PAM: variants seen among roughly 807,000 people sequenced by gnomAD.
PAM encodes the protein peptidylglycine alpha-amidating monooxygenase.
A neutral mutation model predicts 122.1 loss-of-function variants in PAM; 72 were observed. The observed-to-expected ratio is 0.59, with a 90% CI of 0.49 to 0.72. The LOEUF (loss-of-function observed/expected upper bound fraction) is 0.72, where lower values mean the gene tolerates loss of function less well. Among genes scored for constraint, PAM ranks in the 30% least tolerant of loss-of-function variants. The probability of loss-of-function intolerance (pLI) is 0.00; values close to 1 mark genes in which losing one functional copy is unlikely to be tolerated. For missense variants in PAM, 1,106 were observed against 1,183.7 expected (o/e 0.93, Z 0.96); for synonymous variants, 389 against 404.4 (o/e 0.96, Z 0.46).
intron 7 of PAM, among the ~76,000 whole-genome samples, chr5:102,941,350 C>T (rs1323152428): frequency 6.6e-6 from 1 of 152,202 alleles, no homozygotes; most frequent in Non-Finnish European, 1.5e-5. Context: ...GCAGTGAATA[C>T]AAAATCAAAA....
intron 1 of PAM, among the ~76,000 whole-genome samples, chr5:102,850,731 C>T (rs1781151616): frequency 1.3e-5 from 2 of 152,150 alleles, no homozygotes; most frequent in African/African-American, 4.8e-5. Context: ...GAGGGGGCGG[C>T]TGGCGGGGTG....
At chr5:102,991,621 A>G (rs1023543508) in intron 16 of PAM, among the ~76,000 whole-genome samples, 5 of 152,246 alleles carry the variant, frequency 3.3e-5, no homozygotes, top group South Asian at 2.1e-4. Flanking sequence ...ATGAAATTCA[A>G]TCAACATTTC....
At position 102,984,285 on chromosome 5, in the gene PAM, A is replaced by G. The variant is rs552671557; in HGVS notation, c.1484-5987A>G. Among the ~76,000 whole-genome samples the G allele has an allele frequency of 4.6e-5, 7 of 152,376 alleles. No individual in the cohort carries two copies. In the South Asian group the frequency reaches 1.0e-3, roughly 23 times the overall value. On this transcript the variant is annotated intron_variant, in intron 15 of 25. Coordinates refer to ENST00000438793, the MANE Select transcript of PAM (RefSeq NM_001177306.2). ...TAAATGGATTAAGTTTCTCACTTAT[A>G]TAGACTGCCTTAATGGAGAGAAAAA...
At chr5:102,986,759 G>C (rs1771958244) in intron 15 of PAM, among the ~76,000 whole-genome samples, 1 of 151,972 alleles carries the variant, frequency 6.6e-6, no homozygotes, top group Non-Finnish European at 1.5e-5. Flanking sequence ...TGAATCATGG[G>C]GTCAGTTTCC....
chr5:102,845,478 TA>T (rs1282322186), intron 1 of PAM, among the ~76,000 whole-genome samples: 20 of 152,328 alleles, frequency 1.3e-4, no homozygotes, highest in Admixed American at 9.8e-4. Flanking sequence ...GTTCACTTCC[TA>T]CATTCATGTG....
chr5:102,826,207 G>A (rs468836), intron 1 of PAM, among the ~76,000 whole-genome samples: 103,241 of 151,896 alleles, frequency 0.68, 35,353 homozygotes, highest in South Asian at 0.81. Context: ...ACTTACTTCC[G>A]TATTTATTTT....
chr5:102,908,307 G>C (rs1163800173), intron 4 of PAM, among the ~76,000 whole-genome samples: 1 of 151,712 alleles, frequency 6.6e-6, no homozygotes, highest in African/African-American at 2.4e-5. Context: ...ATTTCTGAGG[G>C]CTCTGTTCTG....
intron 23 of PAM, among the ~76,000 whole-genome samples, 169 bp downstream of exon 23, chr5:103,020,012 CT>C (rs3215069): frequency 0.29 from 43,972 of 150,990 alleles, 6,504 homozygotes; most frequent in East Asian, 0.44. Context: ...TGCCACTTCC[CT>C]TTTTTTTTGA....
At chr5:102,800,519 G>A (rs963883647) in intron 1 of PAM, among the ~76,000 whole-genome samples, 2 of 152,162 alleles carry the variant, frequency 1.3e-5, no homozygotes, top group Non-Finnish European at 2.9e-5. Flanking sequence ...TGTTATAGGT[G>A]ACAAAAGTGA....
At chr5:102,853,755 T>C (rs1781907779) in intron 1 of PAM, among the ~76,000 whole-genome samples, 1 of 152,174 alleles carries the variant, frequency 6.6e-6, no homozygotes, top group African/African-American at 2.4e-5. Context: ...GCGCCCTCAT[T>C]TTACACCAGT....
chr5:103,011,369 AACACACACTC>A (rs1174770875), intron 21 of PAM, among the ~76,000 whole-genome samples: 2 of 140,744 alleles, frequency 1.4e-5, no homozygotes, highest in East Asian at 4.2e-4. Context: ...CACACACACA[AACACACACTC>A]ACACACACAC....
At chr5:102,920,453 A>G (rs1473029594) in intron 5 of PAM, among the ~76,000 whole-genome samples, 3 of 152,088 alleles carry the variant, frequency 2.0e-5, no homozygotes. Flanking sequence ...GCTATTTATC[A>G]GGCTGATATT....
intron 3 of PAM, among the ~76,000 whole-genome samples, chr5:102,881,229 A>C (rs1287506566): frequency 1.3e-5 from 2 of 151,996 alleles, no homozygotes; most frequent in Non-Finnish European, 2.9e-5. Context: ...AAAAGAGTTA[A>C]AATACTATGT....
chr5:102,959,036 AT>A lies in PAM; in HGVS notation c.906-838del, dbSNP rs572131004. On this transcript the variant is annotated intron_variant, in intron 12 of 25. Coordinates refer to ENST00000438793, the MANE Select transcript of PAM (RefSeq NM_001177306.2). ...CTAATAATGCTAAAGAGAATGAAAT[AT>A]ATAATAACCCATGTGAAGTAAGGAA... is the stretch of plus-strand genomic sequence containing the variant. Among the ~76,000 whole-genome samples, 104 of 152,288 alleles carry A rather than the reference AT, an allele frequency of 6.8e-4. 1 individual carries two copies. Among genetic ancestry groups the A allele is most frequent in the Non-Finnish European group, 1.0e-3 (69 of 68,016 alleles).
rs890892114 is a variant in PAM at position 102,986,109 on chromosome 5, C to T, written c.1484-4163C>T. Among the ~76,000 whole-genome samples the T allele has an allele frequency of 2.0e-5, 3 of 152,168 alleles. No individual in the cohort carries two copies. In the East Asian group the frequency reaches 5.8e-4, roughly 29 times the overall value. On this transcript the variant is annotated intron_variant, in intron 15 of 25. Transcript: ENST00000438793. ...TCTACATAATAAAGTCCCCGTAGAG[C>T]AAACCCATGGCTGACATACTGAATG...
intron 3 of PAM, among the ~76,000 whole-genome samples, chr5:102,888,637 CT>C (rs1561774439): frequency 6.6e-6 from 1 of 151,886 alleles, no homozygotes; most frequent in Admixed American, 6.6e-5. Context: ...TTACTCCCAT[CT>C]CAGGGTTTGG....
intron 1 of PAM, among the ~76,000 whole-genome samples, chr5:102,773,666 TA>T (rs1218478041): frequency 6.6e-6 from 1 of 152,112 alleles, no homozygotes; most frequent in Non-Finnish European, 1.5e-5. Flanking sequence ...CAACATTTAA[TA>T]CAGTAAAAAG....
chr5:102,759,934 A>G (rs780828993), intron 1 of PAM, among the ~76,000 whole-genome samples: 3 of 152,172 alleles, frequency 2.0e-5, no homozygotes, highest in Non-Finnish European at 4.4e-5. Context: ...CCGTGGTCAT[A>G]GGAAGAAATT....
intron 1 of PAM, among the ~76,000 whole-genome samples, chr5:102,850,772 A>T (rs1347193302): frequency 6.6e-6 from 1 of 152,180 alleles, no homozygotes; most frequent in African/African-American, 2.4e-5. Context: ...GCTGTGGGGA[A>T]CGGAGCCATG....
Sources: allele counts gnomAD v4.1 joint callset (sites outside exome capture counted in the v4.1 genomes callset), GRCh38; gene constraint gnomAD v4.1.1; transcripts MANE v1.5; gene names NCBI Gene and HGNC (gene_info 2026-07-23, HGNC 2026-07-21).